ELAVL4: variants seen among roughly 807,000 people sequenced by gnomAD.
ELAVL4 encodes ELAV-like protein 4.
In ELAVL4, 1 loss-of-function variant was observed where a neutral mutation model predicts 35.6. The observed-to-expected ratio is 0.03, with a 90% CI of 0.01 to 0.13. The LOEUF (loss-of-function observed/expected upper bound fraction) is 0.13, where lower values mean the gene tolerates loss of function less well. Ranked by LOEUF, ELAVL4 falls within the 10% of genes least tolerant of loss-of-function variation. The pLI is 1.00. For synonymous variants in ELAVL4, 156 were observed against 171.0 expected, an observed-to-expected ratio of 0.91 and a Z score of 0.69; for missense variants, 267 against 464.9, an observed-to-expected ratio of 0.57 and a Z score of 3.91.
chr1:50,048,558 T>C (rs1663190738), intron 1 of ELAVL4, among the ~76,000 whole-genome samples: 1 of 152,140 alleles, frequency 6.6e-6, no homozygotes, highest in South Asian at 2.1e-4. Context: ...TTTCCGTAGT[T>C]GTCCTCGAGG....
chr1:50,071,627 G>T (rs1034720531), intron 1 of ELAVL4, among the ~76,000 whole-genome samples: 1 of 152,194 alleles, frequency 6.6e-6, no homozygotes, highest in Admixed American at 6.5e-5. Context: ...GCTAAGGTAA[G>T]ATGGAAAGAA....
intron 3 of ELAVL4, among the ~76,000 whole-genome samples, chr1:50,190,138 G>A (rs1682447330): frequency 6.6e-6 from 1 of 152,188 alleles, no homozygotes; most frequent in South Asian, 2.1e-4. Flanking sequence ...CTGGCCTAGA[G>A]ATGCCAGTCT....
chr1:50,182,761 A>G (rs1037330252), intron 3 of ELAVL4, among the ~76,000 whole-genome samples: 1 of 152,182 alleles, frequency 6.6e-6, no homozygotes, highest in Admixed American at 6.5e-5. Flanking sequence ...AAAGCAAAAC[A>G]TGCTTCTTTG....
rs1262038694 is a variant in ELAVL4 at position 50,202,558 on chromosome 1, G to A, written c.*1380G>A. On this transcript the variant is annotated 3_prime_UTR_variant, in exon 7 of 7. Coordinates refer to ENST00000371824, the MANE Select transcript of ELAVL4 (RefSeq NM_001144774.3). ...TAATCGCCGATGTGATGATGCCTAT[G>A]GCCGAGATCAAATATAGCTAGATTG... 6.6e-6 allele frequency: 1 copy of A among 152,096 alleles called. No homozygotes were observed. The highest frequency in any genetic ancestry group is 1.5e-5 in the Non-Finnish European group (1 of 68,006). 9.4% of individuals were successfully genotyped at this position (152,096 alleles called of 1,614,324 possible). A position where few individuals can be genotyped will look rare whatever the true frequency, so the allele number is the denominator to read the frequency against.
At chr1:50,116,066 A>G (rs2148563113) in intron 1 of ELAVL4, among the ~76,000 whole-genome samples, 1 of 152,232 alleles carries the variant, frequency 6.6e-6, no homozygotes, top group Admixed American at 6.5e-5. Context: ...TCCAAAAGAT[A>G]GAAATAAGAG....
At position 50,195,529 on chromosome 1, in the gene ELAVL4, A is replaced by G. The variant is rs1643999483; in HGVS notation, c.509-32A>G. 3 of 1,609,768 alleles carry G rather than the reference A, an allele frequency of 1.9e-6. No individual in the cohort carries two copies. The African/African-American group carries it at 4.0e-5, about 21-fold the overall frequency. On this transcript the variant is annotated intron_variant, in intron 4 of 6. Coordinates refer to ENST00000371824, the MANE Select transcript of ELAVL4 (RefSeq NM_001144774.3). ...AGATGTTTACCAGTTTGGTGTGTTCACTCTTTACAAAGGCTCTTTCTCTTT... is the reference window on the plus strand; with the variant it reads ...AGATGTTTACCAGTTTGGTGTGTTCGCTCTTTACAAAGGCTCTTTCTCTTT...
intron 1 of ELAVL4, among the ~76,000 whole-genome samples, chr1:50,066,869 G>T (rs1664288483): frequency 6.6e-6 from 1 of 152,082 alleles, no homozygotes; most frequent in Non-Finnish European, 1.5e-5. Context: ...TTTTTATTTA[G>T]GGTTTCAGTG....
chr1:50,138,435 A>G (rs1672258490), intron 1 of ELAVL4, among the ~76,000 whole-genome samples: 1 of 151,694 alleles, frequency 6.6e-6, no homozygotes, highest in Admixed American at 6.6e-5. Context: ...CATGCCAGCC[A>G]AAGCTTTAAC....
intron 2 of ELAVL4, among the ~76,000 whole-genome samples, chr1:50,168,697 A>T (rs1228323911): frequency 6.6e-6 from 1 of 152,120 alleles, no homozygotes; most frequent in Non-Finnish European, 1.5e-5. Flanking sequence ...GTGAATCAGG[A>T]GTATCAAATT....
chr1:50,078,055 A>T (rs1170723429), intron 1 of ELAVL4, among the ~76,000 whole-genome samples: 3 of 151,660 alleles, frequency 2.0e-5, no homozygotes, highest in Non-Finnish European at 4.4e-5. Context: ...AAATGGGATA[A>T]TTGCAAAGTG....
At chr1:50,078,142 G>GTGTGTGTGTA (rs1030712388) in intron 1 of ELAVL4, among the ~76,000 whole-genome samples, 109 of 145,818 alleles carry the variant, frequency 7.5e-4, no homozygotes, top group African/African-American at 2.7e-3. Context: ...GTGTGTGTGT[G>GTGTGTGTGTA]TATATAGTAT....
chr1:50,128,732 A>G (rs766959014), intron 1 of ELAVL4, among the ~76,000 whole-genome samples: 2 of 152,122 alleles, frequency 1.3e-5, no homozygotes, highest in Admixed American at 6.6e-5. Context: ...AGTGTGGCAC[A>G]GGAGAGAACA....
intron 1 of ELAVL4, chr1:50,114,787 A>G (rs1667671055): frequency 6.6e-6 from 1 of 152,082 alleles, no homozygotes; most frequent in African/African-American, 2.4e-5. Context: ...TGTTTACTTC[A>G]TTAAGTATTC....
At chr1:50,080,472 T>C (rs956898920) in intron 1 of ELAVL4, among the ~76,000 whole-genome samples, 1 of 152,078 alleles carries the variant, frequency 6.6e-6, no homozygotes, top group Non-Finnish European at 1.5e-5. Flanking sequence ...AGGCAATCAT[T>C]CTCTGAATTC....
chr1:50,139,200 T>G (rs1008431289), intron 1 of ELAVL4, among the ~76,000 whole-genome samples: 2 of 152,206 alleles, frequency 1.3e-5, no homozygotes, highest in African/African-American at 4.8e-5. Flanking sequence ...CTAATGGACA[T>G]GTAAGGACTT....
At position 50,200,844 on chromosome 1, in the gene ELAVL4, C is replaced by G. The variant is rs1283346959; in HGVS notation, c.774-7C>G. 2 of 1,610,980 alleles carry G rather than the reference C, an allele frequency of 1.2e-6. No homozygotes were observed. Among genetic ancestry groups the G allele is most frequent in the Non-Finnish European group, 1.7e-6 (2 of 1,178,440 alleles). On this transcript the variant is annotated splice_polypyrimidine_tract_variant and splice_region_variant and intron_variant, in intron 6 of 6. Coordinates refer to ENST00000371824, the MANE Select transcript of ELAVL4 (RefSeq NM_001144774.3). ...GGACCAGTCCCCCCTTCTGCTTGTC[C>G]CCCCAGGTTCTCCCCAATTACCATT...
intron 1 of ELAVL4, among the ~76,000 whole-genome samples, chr1:50,097,591 C>T (rs1257414882): frequency 6.6e-6 from 1 of 152,110 alleles, no homozygotes; most frequent in Non-Finnish European, 1.5e-5. Flanking sequence ...CCTGGCTCTT[C>T]CTTTATGTTC....
At chr1:50,195,161 T>C (rs891005808) in intron 4 of ELAVL4, among the ~76,000 whole-genome samples, 1 of 152,188 alleles carries the variant, frequency 6.6e-6, no homozygotes, top group Non-Finnish European at 1.5e-5. Flanking sequence ...ACAGAAGATG[T>C]TTTTAAAGCA....
rs192658898 is a variant in ELAVL4 at position 50,069,524 on chromosome 1, C to T, written c.18+21342C>T. On this transcript the variant is annotated intron_variant, in intron 1 of 6. Transcript: ENST00000448907. Reference sequence around the variant, plus strand: ...CTGAAAGGAAAGTTGAACTCTGGCCCAGAGAAGTTGTTCAATAAATATTTT... The same window carrying T: ...CTGAAAGGAAAGTTGAACTCTGGCCTAGAGAAGTTGTTCAATAAATATTTT... 1.1e-4 allele frequency among the ~76,000 whole-genome samples: 16 copies of T among 152,246 alleles called. No homozygotes were observed. The East Asian group carries it at 3.1e-3, about 29-fold the overall frequency.
Sources: gnomAD v4.1 joint callset for allele counts (sites outside exome capture counted in the v4.1 genomes callset) on GRCh38, gnomAD v4.1.1 for gene constraint, MANE v1.5 for transcripts, NCBI Gene and HGNC (gene_info 2026-07-23, HGNC 2026-07-21) for gene names.